The following DAZL variants were observed in gnomAD, a reference collection of about 807,000 sequenced individuals.
The protein encoded by DAZL is deleted in azoospermia-like.
A neutral mutation model predicts 45.0 loss-of-function variants in DAZL; 4 were observed. That is an observed-to-expected ratio of 0.09 (90% CI 0.04 to 0.20). The LOEUF is 0.20. Ranked by LOEUF, DAZL falls within the 10% of genes least tolerant of loss-of-function variation. The probability of loss-of-function intolerance (pLI) is 1.00; values close to 1 mark genes in which losing one functional copy is unlikely to be tolerated. For synonymous variants in DAZL, 122 were observed against 112.4 expected, an observed-to-expected ratio of 1.09 and a Z score of -0.54; for missense variants, 326 against 351.3, an observed-to-expected ratio of 0.93 and a Z score of 0.58.
chr3:16,600,074 A>G (rs1694660056), intron 1 of DAZL, among the ~76,000 whole-genome samples: 1 of 152,196 alleles, frequency 6.6e-6, no homozygotes, highest in Non-Finnish European at 1.5e-5. Flanking sequence ...TTAAGAACGA[A>G]TTGAAACATC....
chr3:16,597,321 C>T (rs1694615999), intron 4 of DAZL, among the ~76,000 whole-genome samples, 169 bp downstream of exon 4: 1 of 152,076 alleles, frequency 6.6e-6, no homozygotes, highest in East Asian at 1.9e-4. Flanking sequence ...CCTAGGTGCC[C>T]AGTCAAAAAT....
chr3:16,589,610 CATTCAA>C (rs1357599024), intron 10 of DAZL, among the ~76,000 whole-genome samples: 1 of 152,182 alleles, frequency 6.6e-6, no homozygotes, highest in African/African-American at 2.4e-5. Flanking sequence ...ATACCTCATG[CATTCAA>C]ATTCAATACA....
intron 1 of DAZL, 26 bp downstream of exon 1, chr3:16,605,177 C>G (rs766881679): frequency 3.2e-5 from 52 of 1,613,996 alleles, no homozygotes; most frequent in Admixed American, 1.7e-4. Context: ...GCCAGCCTTG[C>G]CCCTCGGGCC....
intron 10 of DAZL, among the ~76,000 whole-genome samples, chr3:16,589,643 CA>C (rs1259144458): frequency 6.6e-6 from 1 of 152,138 alleles, no homozygotes; most frequent in Non-Finnish European, 1.5e-5. Context: ...TGCAGTCAAT[CA>C]AAATAGGTCT....
intron 8 of DAZL, 23 bp from the exon 9 acceptor site, chr3:16,593,791 G>A: frequency 1.4e-6 from 2 of 1,454,364 alleles, no homozygotes; most frequent in African/African-American, 1.4e-5. Context: ...TAATGAAAGT[G>A]TAATTAAACA....
intron 10 of DAZL, among the ~76,000 whole-genome samples, 166 bp from the exon 11 acceptor site, chr3:16,588,879 C>G (rs1694477236): frequency 6.6e-6 from 1 of 151,724 alleles, no homozygotes; most frequent in African/African-American, 2.4e-5. Flanking sequence ...ACTGGGATAA[C>G]ATATATACCA....
chr3:16,594,782 T>C lies in DAZL; in HGVS notation c.571-199A>G, dbSNP rs111603847. ...ACTTCCATATATAAAACCTCACCTT[T>C]TTCCCAATTTTCTGGAGTTGGCATT... On this transcript the variant is annotated intron_variant, in intron 7 of 10. Coordinates refer to ENST00000399444, the MANE Select transcript of DAZL (RefSeq NM_001351.4). Among the ~76,000 whole-genome samples, 42 of 152,236 alleles carry C rather than the reference T, an allele frequency of 2.8e-4. 1 individual carries two copies. The highest frequency in any genetic ancestry group is 9.9e-4 in the African/African-American group (41 of 41,572).
At position 16,594,573 on chromosome 3, in the gene DAZL, T is replaced by A; in HGVS notation, c.581A>T (p.Gln194Leu). ...GCTCCTTTGCTCCCCAACAGGCCAC[T>A]GTGGTGGCATCTTAAAAAAAAAAAA... is the stretch of plus-strand genomic sequence containing the variant. ...LPVYNYQMPP[Q>L]WPVGEQRSYV... Residue 194 changes from glutamine (Q) to leucine (L), a missense_variant, in exon 8 of 11, where the codon CAG (glutamine) becomes CTG (leucine). Gln to Leu is a moderately radical substitution (Grantham distance 113). This residue lies in a region of DAZL where 227 missense variants were observed against 216.6 expected (regional missense o/e 1.05). Coordinates refer to ENST00000399444, the MANE Select transcript of DAZL (RefSeq NM_001351.4). 1 of 1,571,808 alleles carries A rather than the reference T, an allele frequency of 6.4e-7. No homozygotes were observed.
chr3:16,589,892 T>C (rs1687537141), intron 10 of DAZL, among the ~76,000 whole-genome samples: 1 of 143,306 alleles, frequency 7.0e-6, no homozygotes, highest in Admixed American at 7.0e-5. Context: ...AGTAAGATTC[T>C]GTCTCTTAAA....
intron 1 of DAZL, chr3:16,604,827 T>G: frequency 3.2e-6 from 2 of 628,386 alleles, no homozygotes; most frequent in Non-Finnish European, 4.9e-6. Flanking sequence ...GGGGAGCGCG[T>G]GGGAGTGGGG....
At position 16,588,638 on chromosome 3, in the gene DAZL, G is replaced by T; in HGVS notation, c.*22C>A. 2 of 1,590,754 alleles carry T rather than the reference G, an allele frequency of 1.3e-6. No homozygotes were observed. The highest frequency in any genetic ancestry group is 2.2e-5 in the East Asian group (1 of 44,608). The stretch of plus-strand genomic sequence containing the variant: ...ATATTCAAAACCAGCAACTTCCCAT[G>T]TAACTAGATAAGCCAGGAGGATCAA... On this transcript the variant is annotated 3_prime_UTR_variant, in exon 11 of 11. Transcript: ENST00000399444.
intron 7 of DAZL, 40 bp from the exon 8 acceptor site, chr3:16,594,623 T>C: frequency 6.8e-7 from 1 of 1,479,420 alleles, no homozygotes; most frequent in Non-Finnish European, 9.2e-7. Flanking sequence ...TATTCAAATA[T>C]TCCTACAAAT....
intron 1 of DAZL, among the ~76,000 whole-genome samples, chr3:16,601,782 C>G (rs878861289): frequency 6.6e-6 from 1 of 152,164 alleles, no homozygotes. Context: ...TCAAGACCAT[C>G]ATATACACAA....
intron 7 of DAZL, 55 bp downstream of exon 7, chr3:16,595,259 G>T: frequency 9.8e-7 from 1 of 1,016,616 alleles, no homozygotes. Context: ...GTATAAACAA[G>T]TTAAAGGCCT....
rs773712176 is a variant in DAZL, at chr3:16,597,011, G to A, written c.335C>T (p.Pro112Leu). 1.3e-5 allele frequency: 21 copies of A among 1,612,066 alleles called. No individual in the cohort carries two copies. The highest frequency in any genetic ancestry group is 1.8e-5 in the Non-Finnish European group (21 of 1,179,630). ...ACATAAATTTTGTTTCCTGATTGCAGGGCCCAGCTTCAGCTTTTTACCATG... is the reference window on the plus strand; with the variant it reads ...ACATAAATTTTGTTTCCTGATTGCAAGGCCCAGCTTCAGCTTTTTACCATG... The part of the protein sequence containing the change: ...NFHGKKLKLG[P>L]AIRKQNLCAY... Residue 112 changes from proline to leucine, a missense_variant, in exon 5 of 11, where the codon CCT (proline) becomes CTT (leucine). This residue lies in a region of DAZL where 18 missense variants were observed against 45.0 expected (regional missense o/e 0.40). Coordinates refer to ENST00000399444, the MANE Select transcript of DAZL (RefSeq NM_001351.4).
chr3:16,604,327 C>T, intron 1 of DAZL: 5 of 969,938 alleles, frequency 5.2e-6, no homozygotes, highest in South Asian at 1.5e-5. Flanking sequence ...GCACACCCAA[C>T]GCTATCTACC....
chr3:16,596,017 G>A (rs777585693), intron 6 of DAZL, among the ~76,000 whole-genome samples: 2 of 151,026 alleles, frequency 1.3e-5, no homozygotes, highest in East Asian at 1.9e-4. Flanking sequence ...TTTTTTTCTA[G>A]CCATTGTTCA....
intron 1 of DAZL, among the ~76,000 whole-genome samples, chr3:16,602,330 C>G (rs1694703089): frequency 6.6e-6 from 1 of 152,110 alleles, no homozygotes; most frequent in African/African-American, 2.4e-5. Flanking sequence ...ACAAAACAAT[C>G]TTGAGAAAAA....
Position 16,588,335 on chromosome 3 carries a change from G to T in DAZL, c.*325C>A, listed in dbSNP as rs1263811838. ...ACAAAATTCTGACCTTTCAAAATAG[G>T]TTTTTAAAAACATTTTTTTGAAAAT... On this transcript the variant is annotated 3_prime_UTR_variant, in exon 11 of 11. Transcript: ENST00000399444. The T allele has an allele frequency of 9.4e-6, 3 of 318,404 alleles. No homozygotes were observed. Among genetic ancestry groups the T allele is most frequent in the Non-Finnish European group, 1.8e-5 (3 of 166,344 alleles). The allele number at this position is 318,404 out of a possible 1,614,324, so 19.7% of individuals were successfully genotyped here. A position where few individuals can be genotyped will look rare whatever the true frequency, so the allele number is the denominator to read the frequency against.
Sources: gnomAD v4.1 joint callset for allele counts (sites outside exome capture counted in the v4.1 genomes callset) on GRCh38, gnomAD v4.1.1 for gene constraint, gnomAD v4.1.1 regional missense constraint, MANE v1.5 for transcripts, NCBI Gene and HGNC (gene_info 2026-07-23, HGNC 2026-07-21) for gene names.